The following AP3S2 variants were observed in gnomAD, a reference collection of about 807,000 sequenced individuals.
The protein encoded by AP3S2 is AP-3 complex subunit sigma-2.
A neutral mutation model predicts 23.4 loss-of-function variants in AP3S2; 22 were observed. The ratio of observed to expected loss-of-function variants is 0.94; its 90% CI spans 0.67 to 1.34. The LOEUF (loss-of-function observed/expected upper bound fraction) is 1.34, where lower values mean the gene tolerates loss of function less well. AP3S2 is among the 40% of genes most tolerant of loss of function. The probability of loss-of-function intolerance (pLI) is 0.00; values close to 1 mark genes in which losing one functional copy is unlikely to be tolerated. For missense variants in AP3S2, 241 were observed against 236.9 expected (o/e 1.02, Z -0.11); for synonymous variants, 86 against 87.1 (o/e 0.99, Z 0.07).
At position 89,841,872 on chromosome 15, in the gene AP3S2, G is replaced by C. The variant is rs370494399; in HGVS notation, c.346-4150C>G. On this transcript the variant is annotated intron_variant, in intron 4 of 5. Coordinates refer to ENST00000336418, the MANE Select transcript of AP3S2 (RefSeq NM_005829.5). ...TAAATATACAACGAGAAAAAATTAGGAAAGAAATAGGAAAACCAAATGGCA... is the reference window on the plus strand; with the variant it reads ...TAAATATACAACGAGAAAAAATTAGCAAAGAAATAGGAAAACCAAATGGCA... Among the ~76,000 whole-genome samples, 4 of 152,150 alleles carry C rather than the reference G, an allele frequency of 2.6e-5. No homozygotes were observed. The East Asian group carries it at 7.7e-4, about 29-fold the overall frequency.
intron 4 of AP3S2, among the ~76,000 whole-genome samples, chr15:89,844,203 TTCTTTC>T (rs1364147533): frequency 5.2e-5 from 7 of 134,226 alleles, no homozygotes; most frequent in Admixed American, 2.2e-4. Flanking sequence ...CCCTCTTTCT[TTCTTTC>T]TCTTTCTTTC....
chr15:89,843,227 G>A (rs1429644236), intron 4 of AP3S2, among the ~76,000 whole-genome samples: 3 of 151,612 alleles, frequency 2.0e-5, no homozygotes, highest in African/African-American at 4.8e-5. Flanking sequence ...CAGGTGATCC[G>A]TCCGCCTTGG....
In AP3S2 at chr15:89,833,671, G is replaced by T. The variant is rs1248093438; in HGVS notation, c.*1844C>A. 1 of 152,196 alleles carries T rather than the reference G, an allele frequency of 6.6e-6. No homozygotes were observed. Among genetic ancestry groups the T allele is most frequent in the Non-Finnish European group, 1.5e-5 (1 of 68,038 alleles). The allele number at this position is 152,196 out of a possible 1,614,324, so 9.4% of individuals were successfully genotyped here. A position where few individuals can be genotyped will look rare whatever the true frequency, so the allele number is the denominator to read the frequency against. Reference sequence around the variant, plus strand: ...AGAAAATCCAACCCCTCAAAAGAATGACATCAGGGGTTTTGATATCTATTC... The same window carrying T: ...AGAAAATCCAACCCCTCAAAAGAATTACATCAGGGGTTTTGATATCTATTC... On this transcript the variant is annotated 3_prime_UTR_variant, in exon 6 of 6. Transcript: ENST00000336418.
chr15:89,841,692 G>A (rs562988946), intron 4 of AP3S2, among the ~76,000 whole-genome samples: 4 of 152,128 alleles, frequency 2.6e-5, no homozygotes, highest in African/African-American at 9.6e-5. Context: ...AAGGGTAAAC[G>A]GACTCACCCA....
chr15:89,892,595 A>G (rs1896844536), intron 1 of AP3S2, among the ~76,000 whole-genome samples: 1 of 152,202 alleles, frequency 6.6e-6, no homozygotes, highest in Admixed American at 6.5e-5. Context: ...TAGGGGGGAA[A>G]TTTGCATACA....
chr15:89,849,569 A>G (rs191361953), intron 4 of AP3S2, among the ~76,000 whole-genome samples: 158 of 151,828 alleles, frequency 1.0e-3, no homozygotes, highest in Middle Eastern at 6.8e-3. Flanking sequence ...GGGTTTCACT[A>G]TGTTAGCCAG....
chr15:89,837,793 T>C, intron 4 of AP3S2, 71 bp from the exon 5 acceptor site: 3 of 1,585,628 alleles, frequency 1.9e-6, no homozygotes, highest in Non-Finnish European at 2.6e-6. Context: ...GAGGTTTCCT[T>C]TTCCTGCAGC....
chr15:89,869,379 C>A (rs1206775109), intron 4 of AP3S2, among the ~76,000 whole-genome samples: 2 of 148,664 alleles, frequency 1.3e-5, no homozygotes. Context: ...GCAGCATGCG[C>A]GTTAAGAGTC....
chr15:89,890,937 C>T (rs554547169), intron 1 of AP3S2, among the ~76,000 whole-genome samples: 1 of 152,326 alleles, frequency 6.6e-6, no homozygotes, highest in South Asian at 2.1e-4. Flanking sequence ...AAATTAATCA[C>T]TATTTTCCTC....
intron 4 of AP3S2, among the ~76,000 whole-genome samples, chr15:89,858,493 A>AAGAGAGAG (rs143172663): frequency 5.6e-4 from 34 of 60,298 alleles, no homozygotes; most frequent in South Asian, 3.6e-3. Flanking sequence ...GAAAGAAAGA[A>AAGAGAGAG]AGAGAGAGAG....
At chr15:89,837,228 C>G (rs1895215209) in intron 5 of AP3S2, among the ~76,000 whole-genome samples, 1 of 152,176 alleles carries the variant, frequency 6.6e-6, no homozygotes, top group African/African-American at 2.4e-5. Context: ...AGATCAGACT[C>G]TTAGAGCACA....
At chr15:89,841,054 A>G (rs1369788508) in intron 4 of AP3S2, among the ~76,000 whole-genome samples, 2 of 152,194 alleles carry the variant, frequency 1.3e-5, no homozygotes, top group East Asian at 3.8e-4. Context: ...ATATCTAAGT[A>G]GCATATTCCT....
rs56112448 is a variant in AP3S2 at position 89,853,797 on chromosome 15, C to A, written c.346-16075G>T. 3.1e-5 allele frequency among the ~76,000 whole-genome samples: 3 copies of A among 97,228 alleles called. No individual in the cohort carries two copies. In the Admixed American group the frequency reaches 3.2e-4, roughly 10 times the overall value. The allele number at this position is 97,228 out of a possible 152,430, so 63.8% of individuals were successfully genotyped here. A position where few individuals can be genotyped will look rare whatever the true frequency, so the allele number is the denominator to read the frequency against. On this transcript the variant is annotated intron_variant, in intron 4 of 5. Transcript: ENST00000336418. ...GATGTGAGGAGCGCCTCTGCCCGGC[C>A]GAGACCCCGTCTGGGAGGTGAGGAG...
intron 3 of AP3S2, among the ~76,000 whole-genome samples, chr15:89,881,491 T>C (rs193242710): frequency 6.6e-6 from 1 of 152,344 alleles, no homozygotes; most frequent in African/African-American, 2.4e-5. Flanking sequence ...CTGCCAATTA[T>C]AATTGTTAAG....
At chr15:89,884,136 T>A (rs899058829) in intron 3 of AP3S2, 2 of 153,876 alleles carry the variant, frequency 1.3e-5, no homozygotes, top group African/African-American at 4.8e-5. Context: ...GTTACATTAA[T>A]AAATGTGTAC....
intron 3 of AP3S2, among the ~76,000 whole-genome samples, chr15:89,884,853 T>C (rs1896657860): frequency 6.6e-6 from 1 of 152,242 alleles, no homozygotes; most frequent in South Asian, 2.1e-4. Context: ...TTTCACCATA[T>C]TGGCCTGGCT....
rs555148475 is a variant in AP3S2, at chr15:89,860,456, C to T, written c.345+11019G>A. ...CAGTGGGCAGCTAGTGTACACAGCA[C>T]GGATACAATGGATGAGGGGATGATT... On this transcript the variant is annotated intron_variant, in intron 4 of 5. Transcript: ENST00000336418. 1.1e-4 allele frequency among the ~76,000 whole-genome samples: 17 copies of T among 152,218 alleles called. No individual in the cohort carries two copies. The South Asian group carries it at 1.7e-3, about 15-fold the overall frequency.
chr15:89,871,550 G>A lies in AP3S2; in HGVS notation c.274-4C>T. 6.2e-7 allele frequency: 1 copy of A among 1,612,416 alleles called. No homozygotes were observed. Among genetic ancestry groups the A allele is most frequent in the Non-Finnish European group, 8.5e-7 (1 of 1,179,498 alleles). On this transcript the variant is annotated splice_polypyrimidine_tract_variant and splice_region_variant and intron_variant, in intron 3 of 5. Transcript: ENST00000336418. ...TATCCAGAGTTTCCACAAAAACCTA[G>A]AAAACAAGGAGAAATAGATAAAGAA...
chr15:89,892,017 T>C (rs1425604260), intron 1 of AP3S2, among the ~76,000 whole-genome samples: 1 of 152,140 alleles, frequency 6.6e-6, no homozygotes, highest in African/African-American at 2.4e-5. Flanking sequence ...ATATGGCATA[T>C]CCATATAATG....
Sources: gnomAD v4.1 joint callset for allele counts (sites outside exome capture counted in the v4.1 genomes callset) on GRCh38, gnomAD v4.1.1 for gene constraint, MANE v1.5 for transcripts, NCBI Gene and HGNC (gene_info 2026-07-23, HGNC 2026-07-21) for gene names.